COL26A1: variants seen among roughly 807,000 people sequenced by gnomAD.
The protein encoded by COL26A1 is collagen type XXVI alpha 1 chain, also known as collagen alpha-1(XXVI) chain.
In COL26A1, 41 loss-of-function variants were observed where a neutral mutation model predicts 59.3. The ratio of observed to expected loss-of-function variants is 0.69; its 90% confidence interval spans 0.54 to 0.90. The LOEUF (loss-of-function observed/expected upper bound fraction) is 0.90. Among genes scored for constraint, COL26A1 ranks in the 40% least tolerant of loss-of-function variants. The pLI, the probability that COL26A1 is intolerant of heterozygous loss-of-function variation, is 0.00. For synonymous variants in COL26A1, 266 were observed against 256.0 expected, an observed-to-expected ratio of 1.04 and a Z score of -0.37; for missense variants, 612 against 602.3, an observed-to-expected ratio of 1.02 and a Z score of -0.17.
intron 3 of COL26A1, among the ~76,000 whole-genome samples, chr7:101,513,316 TTTTA>T (rs1040591217): frequency 6.6e-6 from 1 of 150,548 alleles, no homozygotes; most frequent in African/African-American, 2.4e-5. Flanking sequence ...CCTCTATTTA[TTTTA>T]TTTATTTTTA....
At chr7:101,524,284 A>C (rs1371235082) in intron 3 of COL26A1, among the ~76,000 whole-genome samples, 1 of 152,212 alleles carries the variant, frequency 6.6e-6, no homozygotes. Flanking sequence ...GAAAAAAAAA[A>C]AAACGACTAT....
intron 1 of COL26A1, among the ~76,000 whole-genome samples, chr7:101,363,527 C>CTGGGGCG (rs1246405623): frequency 2.4e-5 from 1 of 41,330 alleles, no homozygotes; most frequent in African/African-American, 1.1e-4. Flanking sequence ...CGATTGGGGG[C>CTGGGGCG]TGGGGCGCGG....
At chr7:101,363,697 C>G (rs1055478081) in intron 1 of COL26A1, among the ~76,000 whole-genome samples, 5 of 151,954 alleles carry the variant, frequency 3.3e-5, no homozygotes, top group Non-Finnish European at 7.4e-5. Context: ...CCACCCTGTC[C>G]CTTCCTTTCT....
intron 3 of COL26A1, among the ~76,000 whole-genome samples, chr7:101,496,048 T>C (rs906317218): frequency 6.6e-6 from 1 of 151,958 alleles, no homozygotes; most frequent in Admixed American, 6.6e-5. Context: ...AACACTGCAC[T>C]CCAGCCTAGG....
chr7:101,363,804 C>T (rs902194641), intron 1 of COL26A1, among the ~76,000 whole-genome samples: 1 of 152,176 alleles, frequency 6.6e-6, no homozygotes, highest in Non-Finnish European at 1.5e-5. Flanking sequence ...GGCGTTCGGC[C>T]GCTCACGTGG....
At chr7:101,433,249 A>C (rs1482510096) in intron 2 of COL26A1, among the ~76,000 whole-genome samples, 1 of 152,116 alleles carries the variant, frequency 6.6e-6, no homozygotes, top group African/African-American at 2.4e-5. Context: ...GCTTGAGCAC[A>C]TAAGGTAGAA....
chr7:101,491,045 G>A (rs1794448343), intron 3 of COL26A1, among the ~76,000 whole-genome samples: 1 of 151,224 alleles, frequency 6.6e-6, no homozygotes, highest in Non-Finnish European at 1.5e-5. Flanking sequence ...AGCTACTCAG[G>A]AGGCTGAGGC....
chr7:101,396,489 G>A (rs1315448170), intron 1 of COL26A1, among the ~76,000 whole-genome samples: 1 of 151,664 alleles, frequency 6.6e-6, no homozygotes, highest in African/African-American at 2.4e-5. Flanking sequence ...TTGAGATGGA[G>A]TCTTGCTATG....
intron 2 of COL26A1, among the ~76,000 whole-genome samples, chr7:101,443,974 T>C (rs1793123512): frequency 6.6e-6 from 1 of 151,416 alleles, no homozygotes; most frequent in East Asian, 1.9e-4. Flanking sequence ...TGGGCTCCAG[T>C]GACCCTCCCA....
chr7:101,505,321 G>A (rs1794785272), intron 3 of COL26A1, among the ~76,000 whole-genome samples: 1 of 152,006 alleles, frequency 6.6e-6, no homozygotes, highest in South Asian at 2.1e-4. Context: ...TGATGGGTGT[G>A]TGGGCACTCT....
chr7:101,437,061 A>AGTCTTC (rs1290500069), intron 2 of COL26A1, among the ~76,000 whole-genome samples: 2 of 152,182 alleles, frequency 1.3e-5, no homozygotes, highest in African/African-American at 2.4e-5. Flanking sequence ...TCTTTCCACC[A>AGTCTTC]GTCTTCACTG....
intron 2 of COL26A1, among the ~76,000 whole-genome samples, chr7:101,421,705 C>T (rs1023975681): frequency 1.3e-5 from 2 of 151,540 alleles, no homozygotes; most frequent in East Asian, 1.9e-4. Flanking sequence ...TAACTTTGAT[C>T]GCTTGCTTAT....
At chr7:101,478,553 C>A (rs1794097063) in intron 3 of COL26A1, among the ~76,000 whole-genome samples, 1 of 152,132 alleles carries the variant, frequency 6.6e-6, no homozygotes, top group Non-Finnish European at 1.5e-5. Flanking sequence ...ACACAAAACG[C>A]CCCATAAAAT....
At chr7:101,366,687 G>A (rs1791057022) in intron 1 of COL26A1, among the ~76,000 whole-genome samples, 1 of 151,712 alleles carries the variant, frequency 6.6e-6, no homozygotes, top group Non-Finnish European at 1.5e-5. Context: ...TTTTCATAGA[G>A]GTGGGGTCCT....
intron 3 of COL26A1, among the ~76,000 whole-genome samples, chr7:101,481,057 C>T (rs1794143747): frequency 6.6e-6 from 1 of 152,076 alleles, no homozygotes; most frequent in South Asian, 2.1e-4. Context: ...TAATTCAAAC[C>T]TCAGATCCAA....
intron 1 of COL26A1, among the ~76,000 whole-genome samples, chr7:101,415,150 C>A (rs962063055): frequency 3.8e-5 from 4 of 104,094 alleles, no homozygotes; most frequent in Non-Finnish European, 7.6e-5. Flanking sequence ...TGATCATAAC[C>A]CCCCCCCTTT....
chr7:101,422,650 CT>C (rs56812806), intron 2 of COL26A1, among the ~76,000 whole-genome samples: 110,184 of 151,456 alleles, frequency 0.73, 41,030 homozygotes, highest in African/African-American at 0.9. Flanking sequence ...TTCTTTCTTT[CT>C]TTTTTTTTGG....
At chr7:101,425,008 G>T (rs1237805329) in intron 2 of COL26A1, among the ~76,000 whole-genome samples, 2 of 151,726 alleles carry the variant, frequency 1.3e-5, no homozygotes, top group African/African-American at 4.8e-5. Context: ...CTGCAGCCTT[G>T]AACTCCTGGG....
chr7:101,396,080 A>C (rs181731645), intron 1 of COL26A1, among the ~76,000 whole-genome samples: 1 of 152,206 alleles, frequency 6.6e-6, no homozygotes, highest in African/African-American at 2.4e-5. Context: ...CAACATAGTG[A>C]GATCCTGTTT....
Sources: gnomAD v4.1 joint callset for allele counts (sites outside exome capture counted in the v4.1 genomes callset) on GRCh38, gnomAD v4.1.1 for gene constraint, MANE v1.5 for transcripts, NCBI Gene and HGNC (gene_info 2026-07-23, HGNC 2026-07-21) for gene names.